Variants in AK9 observed in about 807,000 individuals in gnomAD.
AK9 encodes the protein adenylate kinase 9.
In AK9, 191 loss-of-function variants were observed where a neutral mutation model predicts 239.6. That is an observed-to-expected ratio of 0.80 (90% CI 0.71 to 0.90). The LOEUF is 0.90. Among genes scored for constraint, AK9 ranks in the 40% least tolerant of loss-of-function variants. The probability of loss-of-function intolerance (pLI) is 0.00; values close to 1 mark genes in which losing one functional copy is unlikely to be tolerated. For missense variants in AK9, 1,995 were observed against 2,214.7 expected (o/e 0.90, Z 1.99); for synonymous variants, 689 against 721.0 (o/e 0.96, Z 0.71).
intron 17 of AK9, among the ~76,000 whole-genome samples, chr6:109,594,882 A>C (rs1438178795): frequency 6.6e-6 from 1 of 152,124 alleles, no homozygotes; most frequent in Non-Finnish European, 1.5e-5. Context: ...AGACTTAAAC[A>C]TGAGATCTAA....
intron 8 of AK9, among the ~76,000 whole-genome samples, chr6:109,645,019 AAACTTT>A (rs1371546194): frequency 1.3e-5 from 2 of 152,362 alleles, no homozygotes; most frequent in Admixed American, 1.3e-4. Context: ...GCATCTGATT[AAACTTT>A]AAGTCACAGA....
At chr6:109,568,485 A>C (rs1277997866) in intron 21 of AK9, among the ~76,000 whole-genome samples, 2 of 152,188 alleles carry the variant, frequency 1.3e-5, no homozygotes, top group Non-Finnish European at 2.9e-5. Flanking sequence ...GAGGAAGTCA[A>C]ATTGTCCCTG....
intron 17 of AK9, among the ~76,000 whole-genome samples, chr6:109,598,935 T>G (rs1423341359): frequency 6.6e-6 from 1 of 152,112 alleles, no homozygotes; most frequent in Non-Finnish European, 1.5e-5. Context: ...GTTTTTTTCT[T>G]GTAAATTTGT....
At position 109,659,358 on chromosome 6, in the gene AK9, G is replaced by A. The variant is rs374987709; in HGVS notation, c.500C>T (p.Thr167Met). 24 of 1,611,396 alleles carry A rather than the reference G, an allele frequency of 1.5e-5. No individual in the cohort carries two copies. The highest frequency in any genetic ancestry group is 6.7e-5 in the African/African-American group (5 of 74,714). The change falls in exon 7 of 41, where the codon ACG becomes ATG. Residue 167 changes from threonine to methionine, a missense_variant. Transcript: ENST00000424296. ...RISGQRQHNNTGYIYSRDQWD... is the reference protein window; with the variant it reads ...RISGQRQHNNMGYIYSRDQWD... ...CTGGTCTCTACTGTATATGTATCCC[G>A]TATTATTGTGCTGTCTTTGCCCAGA...
At chr6:109,564,389 AT>A (rs1402345705) in intron 22 of AK9, 109 bp from the exon 23 acceptor site, 24 of 757,954 alleles carry the variant, frequency 3.2e-5, no homozygotes, top group South Asian at 1.3e-4. Context: ...AGTTAAAAAA[AT>A]AATATTCTAA....
chr6:109,681,567 A>G (rs1188756529), intron 1 of AK9, among the ~76,000 whole-genome samples: 2 of 152,184 alleles, frequency 1.3e-5, no homozygotes, highest in East Asian at 3.8e-4. Flanking sequence ...GATATTCAGG[A>G]CTTGAACTCA....
At chr6:109,661,237 T>C (rs906187261) in intron 6 of AK9, among the ~76,000 whole-genome samples, 4 of 152,184 alleles carry the variant, frequency 2.6e-5, no homozygotes, top group African/African-American at 9.7e-5. Context: ...ATGAATGGGG[T>C]TAAGGACTTT....
chr6:109,557,108 AT>A (rs201495630), intron 24 of AK9, among the ~76,000 whole-genome samples: 3,010 of 151,996 alleles, frequency 0.02, 92 homozygotes, highest in African/African-American at 0.07. Flanking sequence ...GATTCTTTCT[AT>A]CTTCGTGAGT....
chr6:109,578,874 C>T (rs935444889), intron 20 of AK9, among the ~76,000 whole-genome samples: 1 of 138,114 alleles, frequency 7.2e-6, no homozygotes, highest in African/African-American at 2.6e-5. Flanking sequence ...AATTTTATTC[C>T]ACTGTGGTCT....
rs528915948 is a variant in AK9 at position 109,594,825 on chromosome 6, G to C, written c.1843-8753C>G. On this transcript the variant is annotated intron_variant, in intron 17 of 40. Transcript: ENST00000424296. The stretch of plus-strand genomic sequence containing the variant: ...GAGCCATATGCAGAAAACTGAAACT[G>C]GACCCCTTCCTTACACCTTATACAA... Among the ~76,000 whole-genome samples, 17 of 152,144 alleles carry C rather than the reference G, an allele frequency of 1.1e-4. No individual in the cohort carries two copies. The Middle Eastern group carries it at 0.01, about 91-fold the overall frequency.
chr6:109,632,063 G>T (rs12215867), intron 12 of AK9: 445,478 of 720,466 alleles, frequency 0.62, 140,246 homozygotes, highest in East Asian at 0.84. Flanking sequence ...ATGAGAGGGC[G>T]TCTGGGTGCT....
intron 24 of AK9, among the ~76,000 whole-genome samples, chr6:109,553,225 T>C (rs1435132050): frequency 6.6e-6 from 1 of 152,228 alleles, no homozygotes; most frequent in Non-Finnish European, 1.5e-5. Flanking sequence ...AGTTAGTTTT[T>C]TCTAATTCCG....
At chr6:109,690,496 G>C (rs924225021) in intron 1 of AK9, 1 of 152,260 alleles carries the variant, frequency 6.6e-6, no homozygotes, top group Non-Finnish European at 1.5e-5. Flanking sequence ...ACCCTCCTCA[G>C]GGAAGCAACT....
At chr6:109,496,650 T>G (rs904468999) in intron 38 of AK9, among the ~76,000 whole-genome samples, 4 of 152,110 alleles carry the variant, frequency 2.6e-5, no homozygotes, top group African/African-American at 9.7e-5. Flanking sequence ...CTTTCTCAGT[T>G]TCTCTTGTAA....
intron 12 of AK9, among the ~76,000 whole-genome samples, chr6:109,623,974 T>G (rs1184322970): frequency 6.6e-6 from 1 of 151,510 alleles, no homozygotes; most frequent in Non-Finnish European, 1.5e-5. Context: ...ATAATATGCA[T>G]TATTCATGTT....
intron 12 of AK9, among the ~76,000 whole-genome samples, chr6:109,628,910 AT>A (rs953835584): frequency 3.2e-5 from 3 of 94,342 alleles, no homozygotes; most frequent in Admixed American, 1.3e-4. Flanking sequence ...ACTGCGTTTC[AT>A]TTAAAAAAAA....
intron 1 of AK9, among the ~76,000 whole-genome samples, chr6:109,679,532 G>T (rs905886050): frequency 2.0e-5 from 3 of 152,114 alleles, no homozygotes; most frequent in African/African-American, 7.2e-5. Context: ...CACAGCTTCA[G>T]CAGACTTAAA....
chr6:109,605,453 C>T (rs1453872300), intron 17 of AK9, among the ~76,000 whole-genome samples: 5 of 151,562 alleles, frequency 3.3e-5, no homozygotes, highest in African/African-American at 1.2e-4. Flanking sequence ...TTTTTTCATC[C>T]CCACTCTGAG....
intron 24 of AK9, among the ~76,000 whole-genome samples, chr6:109,555,521 C>G (rs1007558485): frequency 6.6e-6 from 1 of 152,194 alleles, no homozygotes; most frequent in African/African-American, 2.4e-5. Flanking sequence ...TAGATGTCAA[C>G]TAGGTCCACT....
Sources: gnomAD v4.1 joint callset for allele counts (sites outside exome capture counted in the v4.1 genomes callset) on GRCh38, gnomAD v4.1.1 for gene constraint, MANE v1.5 for transcripts, NCBI Gene and HGNC (gene_info 2026-07-23, HGNC 2026-07-21) for gene names.